The following TUSC3 variants were observed in gnomAD, a reference collection of about 807,000 sequenced individuals.
The protein encoded by TUSC3 is dolichyl-diphosphooligosaccharide--protein glycosyltransferase subunit TUSC3.
In TUSC3, 45 loss-of-function variants were observed where a neutral mutation model predicts 44.8. The observed-to-expected ratio is 1.00, with a 90% CI of 0.79 to 1.29. The LOEUF (loss-of-function observed/expected upper bound fraction) is 1.29. TUSC3 is among the 50% of genes most tolerant of loss of function. The probability of loss-of-function intolerance (pLI) is 0.00; values close to 1 mark genes in which losing one functional copy is unlikely to be tolerated. For missense variants in TUSC3, 519 were observed against 437.9 expected, an observed-to-expected ratio of 1.19 and a Z score of -1.65; for synonymous variants, 212 against 152.9, an observed-to-expected ratio of 1.39 and a Z score of -2.85.
chr8:15,428,205 T>G (rs1457241950), intron 1 of TUSC3, among the ~76,000 whole-genome samples: 1 of 144,910 alleles, frequency 6.9e-6, no homozygotes, highest in Non-Finnish European at 1.5e-5. Context: ...CACCTATGAG[T>G]GAGAACATGT....
At chr8:15,472,174 T>C (rs555059191) in intron 1 of TUSC3, among the ~76,000 whole-genome samples, 1 of 152,316 alleles carries the variant, frequency 6.6e-6, no homozygotes, top group South Asian at 2.1e-4. Flanking sequence ...GTTTCAAATA[T>C]ATAGAGAAAG....
rs537058960 is a variant in TUSC3, at chr8:15,754,196, G to A, written c.1029-3595G>A. Among the ~76,000 whole-genome samples the A allele has an allele frequency of 1.1e-4, 16 of 152,184 alleles. No individual in the cohort carries two copies. The East Asian group carries it at 2.3e-3, about 22-fold the overall frequency. On this transcript the variant is annotated intron_variant, in intron 9 of 10. Coordinates refer to ENST00000503731, the MANE Select transcript of TUSC3 (RefSeq NM_006765.4). Reference sequence around the variant, plus strand: ...AGGAAAACGCACAACACATACTCCCGAAGGTATTTCCTGGCCTTTAGTACT... The same window carrying A: ...AGGAAAACGCACAACACATACTCCCAAAGGTATTTCCTGGCCTTTAGTACT...
At chr8:15,681,249 G>A (rs1808419327) in intron 6 of TUSC3, among the ~76,000 whole-genome samples, 1 of 150,882 alleles carries the variant, frequency 6.6e-6, no homozygotes, top group African/African-American at 2.4e-5. Context: ...AGTAGGATTG[G>A]TACCAGTTCT....
the TUSC3 span, among the ~76,000 whole-genome samples, chr8:15,799,221 G>A: frequency 6.2e-4 from 94 of 152,230 alleles, no homozygotes; most frequent in African/African-American, 2.2e-3. Flanking sequence ...CTGTAAGATG[G>A]CCCAGCTGCT....
chr8:15,704,253 T>TG (rs1468770326), intron 6 of TUSC3, among the ~76,000 whole-genome samples: 1 of 92,946 alleles, frequency 1.1e-5, no homozygotes, highest in Non-Finnish European at 2.3e-5. Context: ...ACATTCTTAA[T>TG]GGTTTTTTTT....
chr8:15,473,258 A>T (rs1388331121), intron 1 of TUSC3, among the ~76,000 whole-genome samples: 1 of 152,216 alleles, frequency 6.6e-6, no homozygotes, highest in Non-Finnish European at 1.5e-5. Flanking sequence ...GTAAATAATT[A>T]AAGTATTATA....
intron 2 of TUSC3, among the ~76,000 whole-genome samples, chr8:15,511,695 C>G (rs143308654): frequency 1.3e-3 from 195 of 152,154 alleles, no homozygotes; most frequent in African/African-American, 4.3e-3. Context: ...TATGGTAAAA[C>G]CCCAACTCTT....
At chr8:15,802,929 G>T in the TUSC3 span, among the ~76,000 whole-genome samples, 12 of 152,016 alleles carry the variant, frequency 7.9e-5, no homozygotes, top group Admixed American at 1.3e-4. Flanking sequence ...CAATTAGTAG[G>T]TGTATACTAT....
At chr8:15,429,419 G>T (rs1042772496) in intron 1 of TUSC3, among the ~76,000 whole-genome samples, 1 of 149,834 alleles carries the variant, frequency 6.7e-6, no homozygotes, top group Non-Finnish European at 1.5e-5. Flanking sequence ...CTCCAGCTTT[G>T]TTCTTTTGGC....
At chr8:15,557,808 CTGT>C (rs1034102315) in intron 1 of TUSC3, among the ~76,000 whole-genome samples, 5 of 134,980 alleles carry the variant, frequency 3.7e-5, no homozygotes, top group African/African-American at 1.4e-4. Context: ...CTCCGTTTGT[CTGT>C]TGTTGGTGTA....
At chr8:15,828,289 C>T in the TUSC3 span, among the ~76,000 whole-genome samples, 16,106 of 152,198 alleles carry the variant, frequency 0.11, 961 homozygotes, top group East Asian at 0.25. Flanking sequence ...GCCACCGCAC[C>T]CAGCCAATAT....
At chr8:15,592,414 G>T (rs1010315860) in intron 1 of TUSC3, among the ~76,000 whole-genome samples, 1 of 152,296 alleles carries the variant, frequency 6.6e-6, no homozygotes, top group Non-Finnish European at 1.5e-5. Flanking sequence ...GTGGCACCTG[G>T]TGGGAGGTGT....
At chr8:15,701,035 G>A (rs1280174528) in intron 6 of TUSC3, among the ~76,000 whole-genome samples, 2 of 151,838 alleles carry the variant, frequency 1.3e-5, no homozygotes, top group African/African-American at 2.4e-5. Context: ...TGTCCAGGGT[G>A]TTTGGCAGTA....
chr8:15,649,210 GT>G (rs893441256), intron 2 of TUSC3, among the ~76,000 whole-genome samples: 1 of 151,830 alleles, frequency 6.6e-6, no homozygotes, highest in African/African-American at 2.4e-5. Flanking sequence ...TCAAATACAT[GT>G]TTTTTTTCGT....
upstream of TUSC3, among the ~76,000 whole-genome samples, chr8:15,538,970 T>C (rs180904818): frequency 6.6e-6 from 1 of 151,618 alleles, no homozygotes; most frequent in Non-Finnish European, 1.5e-5. Context: ...CCAGCCTCAG[T>C]CTTGGAATAG....
rs1804537420 is a variant in TUSC3 at position 15,606,577 on chromosome 8, C to CT, written c.139-16502dup. The stretch of plus-strand genomic sequence containing the variant: ...ATTGTGGATATTCTTGTAGGTAAGT[C>CT]TGTTTCATCTTGTTAAATAACTATA... On this transcript the variant is annotated intron_variant, in intron 1 of 10. Transcript: ENST00000503731. 2.0e-5 allele frequency among the ~76,000 whole-genome samples: 3 copies of CT among 152,018 alleles called. No homozygotes were observed. In the South Asian group the frequency reaches 6.2e-4, roughly 31 times the overall value.
chr8:15,423,969 G>GTTTT (rs112397215), intron 1 of TUSC3, among the ~76,000 whole-genome samples: 45 of 70,350 alleles, frequency 6.4e-4, no homozygotes, highest in East Asian at 1.7e-3. Context: ...GTTTTGCTTT[G>GTTTT]TTTTTTTTTT....
intron 1 of TUSC3, among the ~76,000 whole-genome samples, chr8:15,556,368 G>A (rs1406138726): frequency 6.6e-6 from 1 of 150,764 alleles, no homozygotes; most frequent in Non-Finnish European, 1.5e-5. Context: ...ATTCCATGGT[G>A]TATATGTGCC....
chr8:15,830,907 A>T, the TUSC3 span, among the ~76,000 whole-genome samples: 1 of 152,182 alleles, frequency 6.6e-6, no homozygotes, highest in Non-Finnish European at 1.5e-5. Flanking sequence ...AATTTATAAA[A>T]ATTAAAACAA....
Sources: gnomAD v4.1 joint callset for allele counts (sites outside exome capture counted in the v4.1 genomes callset) on GRCh38, gnomAD v4.1.1 for gene constraint, MANE v1.5 for transcripts, NCBI Gene and HGNC (gene_info 2026-07-23, HGNC 2026-07-21) for gene names.